VAV3: variants seen among roughly 807,000 people sequenced by gnomAD.
VAV3 encodes vav guanine nucleotide exchange factor 3.
Under a neutral mutation model 131.2 loss-of-function variants are expected in VAV3, and 94 were observed. That is an observed-to-expected ratio of 0.72 (90% CI 0.61 to 0.85). The LOEUF (loss-of-function observed/expected upper bound fraction) is 0.85. Among genes scored for constraint, VAV3 ranks in the 40% least tolerant of loss-of-function variants. The probability of loss-of-function intolerance (pLI) is 0.00; values close to 1 mark genes in which losing one functional copy is unlikely to be tolerated. For synonymous variants in VAV3, 349 were observed against 342.0 expected, an observed-to-expected ratio of 1.02 and a Z score of -0.22; for missense variants, 939 against 1,002.7, an observed-to-expected ratio of 0.94 and a Z score of 0.86.
intron 2 of VAV3, among the ~76,000 whole-genome samples, chr1:107,801,015 C>T (rs759011500): frequency 2.6e-5 from 4 of 152,032 alleles, no homozygotes; most frequent in South Asian, 2.1e-4. Flanking sequence ...ATAGGGGTTT[C>T]GTTTCATTCT....
At chr1:107,805,041 G>A (rs1667001427) in intron 2 of VAV3, among the ~76,000 whole-genome samples, 2 of 151,970 alleles carry the variant, frequency 1.3e-5, no homozygotes, top group Admixed American at 1.3e-4. Flanking sequence ...CAGACCAACT[G>A]GAGTTCCTTT....
intron 15 of VAV3, among the ~76,000 whole-genome samples, chr1:107,706,409 G>A (rs1393439851): frequency 2.6e-5 from 4 of 152,180 alleles, no homozygotes; most frequent in African/African-American, 9.7e-5. Flanking sequence ...TCCATCTGCT[G>A]AATATGAGCG....
At chr1:107,949,238 G>T (rs755527939) in intron 1 of VAV3, among the ~76,000 whole-genome samples, 24 of 151,986 alleles carry the variant, frequency 1.6e-4, no homozygotes, top group African/African-American at 3.1e-4. Flanking sequence ...TCACATTCTG[G>T]TTTTTTTTAC....
intron 2 of VAV3, among the ~76,000 whole-genome samples, chr1:107,849,582 A>G (rs112854271): frequency 8.5e-4 from 130 of 152,170 alleles, no homozygotes; most frequent in African/African-American, 3.0e-3. Flanking sequence ...ATTAAGATGG[A>G]TTAAAGACTT....
chr1:107,734,039 G>C (rs1476910904), intron 15 of VAV3, among the ~76,000 whole-genome samples: 2 of 152,214 alleles, frequency 1.3e-5, no homozygotes, highest in African/African-American at 2.4e-5. Context: ...AGCCAGAAGA[G>C]AGTGGGGGCC....
chr1:107,651,407 A>T (rs1424475070), intron 19 of VAV3, among the ~76,000 whole-genome samples: 4 of 152,018 alleles, frequency 2.6e-5, no homozygotes, highest in African/African-American at 9.7e-5. Context: ...AGACTATAGC[A>T]CCTTTTTTTT....
intron 15 of VAV3, among the ~76,000 whole-genome samples, chr1:107,744,099 C>T (rs1663180538): frequency 6.6e-6 from 1 of 152,178 alleles, no homozygotes; most frequent in African/African-American, 2.4e-5. Context: ...AAAGCTCAGG[C>T]AGGGGCTGCC....
chr1:107,935,025 A>G lies in VAV3; in HGVS notation c.204+29641T>C, dbSNP rs571627463. On this transcript the variant is annotated intron_variant, in intron 1 of 26. Coordinates refer to ENST00000370056, the MANE Select transcript of VAV3 (RefSeq NM_006113.5). Reference sequence around the variant, plus strand: ...TCACTTTTCTTCATAAAATATATTCACCTCCCACAGATTACGCGAACTGAT... The same window carrying G: ...TCACTTTTCTTCATAAAATATATTCGCCTCCCACAGATTACGCGAACTGAT... 7.9e-4 allele frequency among the ~76,000 whole-genome samples: 120 copies of G among 152,088 alleles called. 1 individual carries two copies. The highest frequency in any genetic ancestry group is 2.9e-3 in the African/African-American group (119 of 41,498).
chr1:107,821,188 A>T (rs1290479635), intron 2 of VAV3, among the ~76,000 whole-genome samples: 3 of 152,218 alleles, frequency 2.0e-5, no homozygotes, highest in Non-Finnish European at 4.4e-5. Flanking sequence ...CTGAAGACAA[A>T]CTATTTTCAG....
chr1:107,698,483 G>A (rs1310035006), intron 17 of VAV3, among the ~76,000 whole-genome samples: 1 of 152,184 alleles, frequency 6.6e-6, no homozygotes, highest in Non-Finnish European at 1.5e-5. Context: ...ATGTACAATA[G>A]GTTAGGTGCA....
intron 19 of VAV3, chr1:107,673,779 T>A (rs1250267158): frequency 4.6e-5 from 7 of 152,176 alleles, no homozygotes; most frequent in Non-Finnish European, 7.3e-5. Context: ...TTAATAAACA[T>A]GTGGCTGCAC....
At chr1:107,705,727 C>T (rs1214475735) in intron 15 of VAV3, among the ~76,000 whole-genome samples, 2 of 152,140 alleles carry the variant, frequency 1.3e-5, no homozygotes, top group Admixed American at 6.6e-5. Context: ...ACTGTGACAA[C>T]CATATGACAT....
chr1:107,804,936 G>A (rs1666993569), intron 2 of VAV3, among the ~76,000 whole-genome samples: 1 of 151,836 alleles, frequency 6.6e-6, no homozygotes, highest in South Asian at 2.1e-4. Flanking sequence ...CAATACTCTT[G>A]GATGGCAGCA....
chr1:107,688,126 T>A (rs952160128), intron 18 of VAV3, among the ~76,000 whole-genome samples: 9 of 152,214 alleles, frequency 5.9e-5, no homozygotes, highest in African/African-American at 1.9e-4. Flanking sequence ...GTACTTACAG[T>A]CCCATTTCAT....
At chr1:107,666,530 C>G (rs550714261) in intron 19 of VAV3, among the ~76,000 whole-genome samples, 2 of 152,068 alleles carry the variant, frequency 1.3e-5, no homozygotes, top group South Asian at 2.1e-4. Context: ...GGCTTCTGAT[C>G]CCTCACTCCC....
chr1:107,831,342 CTG>C (rs547881618), intron 2 of VAV3, among the ~76,000 whole-genome samples: 102 of 152,198 alleles, frequency 6.7e-4, no homozygotes, highest in African/African-American at 2.2e-3. Flanking sequence ...TGAATTAAAA[CTG>C]TTTTCGTGTC....
intron 15 of VAV3, among the ~76,000 whole-genome samples, chr1:107,709,664 G>T (rs988240819): frequency 2.0e-5 from 3 of 152,170 alleles, no homozygotes; most frequent in African/African-American, 4.8e-5. Flanking sequence ...GAATCGTGGG[G>T]ATGGTTTCCC....
chr1:107,737,212 G>T (rs1662700221), intron 15 of VAV3, among the ~76,000 whole-genome samples: 1 of 152,274 alleles, frequency 6.6e-6, no homozygotes, highest in South Asian at 2.1e-4. Context: ...ATTTAAGATG[G>T]ATTAAAAGCA....
Position 107,874,955 on chromosome 1 carries a change from C to T in VAV3, c.267G>A (p.Arg89=). The part of the protein sequence containing the change: ...LTACCETFGM[R]KSELFEAFDL... ...CAAATGCCTCGAAAAGTTCACTTTTCCTCATTCCAAACGTCTCACAACAGG... is the reference window on the plus strand; with the variant it reads ...CAAATGCCTCGAAAAGTTCACTTTTTCTCATTCCAAACGTCTCACAACAGG... Residue 89 remains arginine (R), a synonymous_variant, in exon 2 of 27, where the codon AGG becomes AGA. Coordinates refer to ENST00000370056, the MANE Select transcript of VAV3 (RefSeq NM_006113.5). 4.3e-6 allele frequency: 7 copies of T among 1,613,424 alleles called. No individual in the cohort carries two copies. The South Asian group carries it at 4.4e-5, about 10-fold the overall frequency.
Sources: gnomAD v4.1 joint callset for allele counts (sites outside exome capture counted in the v4.1 genomes callset) on GRCh38, gnomAD v4.1.1 for gene constraint, MANE v1.5 for transcripts, NCBI Gene and HGNC (gene_info 2026-07-23, HGNC 2026-07-21) for gene names.